The following RRAGB variants were observed in gnomAD, a reference collection of about 807,000 sequenced individuals.
RRAGB encodes Ras related GTP binding B.
A neutral mutation model predicts 29.3 loss-of-function variants in RRAGB; 6 were observed. The ratio of observed to expected loss-of-function variants is 0.21; its 90% CI spans 0.11 to 0.40. The LOEUF (loss-of-function observed/expected upper bound fraction) is 0.40. RRAGB is among the 10% of genes least tolerant of loss of function. RRAGB has a pLI of 1.00. For missense variants in RRAGB, 184 were observed against 272.9 expected (o/e 0.67, Z 2.29); for synonymous variants, 101 against 92.5 (o/e 1.09, Z -0.53).
chrX:55,755,473 G>C (rs2034633378), intron 7 of RRAGB: 1 of 743,375 alleles, frequency 1.3e-6, no homozygotes. Flanking sequence ...CTCAAGAACA[G>C]CTAGGAATTT....
intron 5 of RRAGB, among the ~76,000 whole-genome samples, chrX:55,738,922 C>G (rs1739125889): frequency 8.9e-6 from 1 of 112,251 alleles, no homozygotes; most frequent in Non-Finnish European, 1.9e-5. Flanking sequence ...TGTGTAAGCA[C>G]AAGCAGTGGT....
intron 5 of RRAGB, 129 bp downstream of exon 5, chrX:55,731,715 T>C (rs1185144611): frequency 2.2e-6 from 1 of 449,353 alleles, no homozygotes; most frequent in African/African-American, 2.5e-5. Flanking sequence ...AAGTAAAGTT[T>C]TGTCATTTAC....
At chrX:55,752,442 G>C (rs2034550246) in intron 6 of RRAGB, 1 of 558,224 alleles carries the variant, frequency 1.8e-6, no homozygotes, top group Non-Finnish European at 2.2e-6. Context: ...TGGGAACTTG[G>C]AACCTGAACC....
At chrX:55,734,799 A>G (rs747662423) in intron 5 of RRAGB, among the ~76,000 whole-genome samples, 3 of 112,150 alleles carry the variant, frequency 2.7e-5, no homozygotes, top group African/African-American at 9.7e-5. Flanking sequence ...TGCTTTTGCT[A>G]TATCCCAGAG....
chrX:55,749,362 T>G (rs1191481362), intron 5 of RRAGB, among the ~76,000 whole-genome samples: 6 of 59,237 alleles, frequency 1.0e-4, no homozygotes, highest in Admixed American at 2.1e-4. Context: ...GGGAGGGAGG[T>G]GGGGGGGTCA....
At chrX:55,739,640 A>G (rs765935964) in intron 5 of RRAGB, among the ~76,000 whole-genome samples, 5 of 111,144 alleles carry the variant, frequency 4.5e-5, no homozygotes, top group African/African-American at 1.6e-4. Flanking sequence ...TGCCTGGCTC[A>G]TGGTGTAGGT....
Position 55,718,237 on chromosome X carries a change from T to G in RRAGB, c.-91T>G. Reference sequence around the variant, plus strand: ...GCCATAGGCGATGAGAATAGGCAGTTGAGGGGTGAAAAAGAAAACAAACAA... The same window carrying G: ...GCCATAGGCGATGAGAATAGGCAGTGGAGGGGTGAAAAAGAAAACAAACAA... On this transcript the variant is annotated 5_prime_UTR_variant, in exon 1 of 10. The change abolishes the stop of an existing upstream ORF in the 5' untranslated region. Transcript: ENST00000374941. 4.4e-6 allele frequency: 3 copies of G among 679,782 alleles called. No homozygotes were observed. Among genetic ancestry groups the G allele is most frequent in the Non-Finnish European group, 6.5e-6 (3 of 460,939 alleles). The allele number at this position is 679,782 out of a possible 1,213,427, so 56.0% of individuals were successfully genotyped here.
At chrX:55,724,331 C>T (rs1050437558) in intron 3 of RRAGB, among the ~76,000 whole-genome samples, 1 of 112,092 alleles carries the variant, frequency 8.9e-6, no homozygotes, top group Non-Finnish European at 1.9e-5. Flanking sequence ...AGTCCAATCC[C>T]TTTTTCCTCA....
intron 9 of RRAGB, 125 bp downstream of exon 9, chrX:55,757,456 AG>A: frequency 2.9e-6 from 1 of 344,418 alleles, no homozygotes; most frequent in East Asian, 4.0e-5. Context: ...TAACAATGTG[AG>A]GGCACTTAAT....
In RRAGB at chrX:55,748,595, C is replaced by T. The variant is rs1379708895; in HGVS notation, c.517-2506C>T. 2.7e-5 allele frequency among the ~76,000 whole-genome samples: 3 copies of T among 111,035 alleles called. No individual in the cohort carries two copies. The East Asian group carries it at 8.7e-4, about 32-fold the overall frequency. Reference sequence around the variant, plus strand: ...GGAGGTGAGGAGCGTCTCTGCCCAGCCGCCCAGTCTGAGAAGTGAGGAGAC... The same window carrying T: ...GGAGGTGAGGAGCGTCTCTGCCCAGTCGCCCAGTCTGAGAAGTGAGGAGAC... On this transcript the variant is annotated intron_variant, in intron 5 of 9. Transcript: ENST00000374941.
chrX:55,740,676 C>T (rs754224390), intron 5 of RRAGB, among the ~76,000 whole-genome samples: 2 of 111,515 alleles, frequency 1.8e-5, no homozygotes, highest in South Asian at 3.8e-4. Flanking sequence ...AATGTGCGGT[C>T]GGGTGTTGTC....
intron 5 of RRAGB, among the ~76,000 whole-genome samples, chrX:55,748,832 G>T (rs767968082): frequency 1.2e-4 from 12 of 97,727 alleles, no homozygotes; most frequent in South Asian, 5.0e-4. Flanking sequence ...GGGAGGTGAG[G>T]GGTGCCTCTG....
chrX:55,741,447 TAA>T (rs2034068919), intron 5 of RRAGB, among the ~76,000 whole-genome samples: 2 of 112,178 alleles, frequency 1.8e-5, no homozygotes, highest in African/African-American at 6.5e-5. Flanking sequence ...CAGCAAGTAA[TAA>T]GTCATTAGCA....
At chrX:55,729,676 T>TAGC (rs1226764287) in intron 4 of RRAGB, among the ~76,000 whole-genome samples, 1 of 111,921 alleles carries the variant, frequency 8.9e-6, no homozygotes, top group Non-Finnish European at 1.9e-5. Context: ...GCTGAGCTCT[T>TAGC]AGCTGTCACA....
chrX:55,748,396 C>T (rs1310640511), intron 5 of RRAGB, among the ~76,000 whole-genome samples: 2 of 108,557 alleles, frequency 1.8e-5, no homozygotes, highest in African/African-American at 3.4e-5. Flanking sequence ...CGTCTCTGCC[C>T]GGCCGCCATC....
chrX:55,740,621 A>C lies in RRAGB; in HGVS notation c.516+9035A>C, dbSNP rs746947516. On this transcript the variant is annotated intron_variant, in intron 5 of 9. Coordinates refer to ENST00000374941, the MANE Select transcript of RRAGB (RefSeq NM_006064.5). ...AAGGTGAATATGGTGGATGAGGCAA[A>C]ACTTCATAGCCCAATTTCTTCTACT... is the stretch of plus-strand genomic sequence containing the variant. 4.5e-5 allele frequency among the ~76,000 whole-genome samples: 5 copies of C among 111,432 alleles called. No homozygotes were observed. In the South Asian group the frequency reaches 1.9e-3, roughly 42 times the overall value.
intron 1 of RRAGB, 108 bp from the exon 2 acceptor site, chrX:55,719,206 G>A (rs2033170254): frequency 1.2e-5 from 8 of 665,709 alleles, no homozygotes; most frequent in African/African-American, 4.5e-5. Flanking sequence ...GTACTCAGCC[G>A]TTGTACTAAA....
At chrX:55,727,542 C>T (rs2033524345) in intron 3 of RRAGB, 1 of 375,568 alleles carries the variant, frequency 2.7e-6, no homozygotes, top group East Asian at 4.3e-5. Context: ...CGCCCCCCCG[C>T]TTTCTTTTTT....
At chrX:55,729,395 A>T in intron 4 of RRAGB, 35 bp downstream of exon 4, 1 of 967,464 alleles carries the variant, frequency 1.0e-6, no homozygotes, top group Non-Finnish European at 1.5e-6. Context: ...TGTGAAGCCG[A>T]TGTCAGTAAT....
Sources: gnomAD v4.1 joint callset for allele counts (sites outside exome capture counted in the v4.1 genomes callset) on GRCh38, gnomAD v4.1.1 for gene constraint, MANE v1.5 for transcripts, NCBI Gene and HGNC (gene_info 2026-07-23, HGNC 2026-07-21) for gene names.